The following NKAIN3 variants were observed in gnomAD, a reference collection of about 807,000 sequenced individuals.
NKAIN3 encodes the protein sodium/potassium-transporting ATPase subunit beta-1-interacting protein 3.
A neutral mutation model predicts 30.2 loss-of-function variants in NKAIN3; 25 were observed. That is an observed-to-expected ratio of 0.83 (90% confidence interval 0.60 to 1.16). The LOEUF is 1.16. Ranked by LOEUF, NKAIN3 falls within the 50% of genes most tolerant of loss-of-function variation. The pLI, the probability that NKAIN3 is intolerant of heterozygous loss-of-function variation, is 0.00. For missense variants in NKAIN3, 225 were observed against 254.1 expected (o/e 0.89, Z 0.78); for synonymous variants, 91 against 89.6 (o/e 1.02, Z -0.09).
Position 62,794,198 on chromosome 8 carries a change from C to T in NKAIN3, c.471+47069C>T, listed in dbSNP as rs1301189281. ...CACATAAAGCCTATTAATTTCTCTA[C>T]AGTAAGTAAGGTGGCTTGACTAGTA... On this transcript the variant is annotated intron_variant, in intron 4 of 6. Transcript: ENST00000623646. Among the ~76,000 whole-genome samples the T allele has an allele frequency of 5.3e-5, 8 of 152,170 alleles. No homozygotes were observed. In the East Asian group the frequency reaches 1.5e-3, roughly 29 times the overall value.
At chr8:62,732,288 T>C (rs1374981000) in intron 3 of NKAIN3, among the ~76,000 whole-genome samples, 4 of 152,098 alleles carry the variant, frequency 2.6e-5, no homozygotes, top group Admixed American at 2.0e-4. Context: ...TTAAACTTTA[T>C]TGATAATGTT....
At chr8:62,576,212 C>T (rs1402290310) in intron 1 of NKAIN3, among the ~76,000 whole-genome samples, 1 of 151,980 alleles carries the variant, frequency 6.6e-6, no homozygotes, top group African/African-American at 2.4e-5. Context: ...TGCAAACTAC[C>T]CATCTGACAA....
intron 4 of NKAIN3, among the ~76,000 whole-genome samples, chr8:62,810,643 T>TG (rs1554580464): frequency 6.6e-6 from 1 of 151,304 alleles, no homozygotes; most frequent in African/African-American, 2.4e-5. Context: ...AGAAAGTTTT[T>TG]TTTTTTTTTT....
intron 5 of NKAIN3, among the ~76,000 whole-genome samples, chr8:62,925,762 G>A (rs1822419084): frequency 6.6e-6 from 1 of 152,124 alleles, no homozygotes; most frequent in Admixed American, 6.5e-5. Flanking sequence ...CGTGTGATCA[G>A]GCACGTCACA....
chr8:62,325,085 A>C (rs1815069959), intron 1 of NKAIN3, among the ~76,000 whole-genome samples: 1 of 152,058 alleles, frequency 6.6e-6, no homozygotes, highest in Non-Finnish European at 1.5e-5. Context: ...CTGTCACCCA[A>C]ACCATGTACA....
chr8:62,289,959 T>C (rs1585638717), intron 1 of NKAIN3, among the ~76,000 whole-genome samples: 1 of 152,162 alleles, frequency 6.6e-6, no homozygotes, highest in East Asian at 1.9e-4. Flanking sequence ...GTCCTTCACA[T>C]CCCTTGTAAG....
chr8:62,917,133 C>G (rs1822131927), intron 4 of NKAIN3, among the ~76,000 whole-genome samples: 1 of 152,140 alleles, frequency 6.6e-6, no homozygotes, highest in South Asian at 2.1e-4. Context: ...GAGGCCTTAC[C>G]CCCAGGCTAA....
At chr8:62,546,509 G>T (rs929477751) in intron 1 of NKAIN3, among the ~76,000 whole-genome samples, 1 of 152,140 alleles carries the variant, frequency 6.6e-6, no homozygotes, top group African/African-American at 2.4e-5. Context: ...GCACAAGTAG[G>T]CACCCATTGT....
intron 3 of NKAIN3, among the ~76,000 whole-genome samples, chr8:62,694,311 C>T (rs544019755): frequency 6.6e-6 from 1 of 152,198 alleles, no homozygotes; most frequent in African/African-American, 2.4e-5. Flanking sequence ...TTCTGTCCAT[C>T]AATGGATGAA....
chr8:62,677,851 C>A (rs978714216), intron 3 of NKAIN3, among the ~76,000 whole-genome samples: 5 of 152,164 alleles, frequency 3.3e-5, no homozygotes, highest in African/African-American at 1.2e-4. Context: ...TGAAGATGTA[C>A]CCCTAACATT....
intron 1 of NKAIN3, among the ~76,000 whole-genome samples, chr8:62,513,380 A>G (rs1056676216): frequency 2.0e-5 from 3 of 152,020 alleles, no homozygotes; most frequent in Non-Finnish European, 2.9e-5. Context: ...GGAAATAGAT[A>G]TTAATCAAAC....
chr8:62,370,475 G>A (rs1039096284), intron 1 of NKAIN3, among the ~76,000 whole-genome samples: 2 of 151,864 alleles, frequency 1.3e-5, no homozygotes, highest in Non-Finnish European at 2.9e-5. Flanking sequence ...TGTGGAAATT[G>A]CATACATGTA....
chr8:62,763,259 A>AAAAAAAAAAAC lies in NKAIN3; in HGVS notation c.471+16132_471+16133insAAAAAAAACAA, dbSNP rs1563551311. 1.3e-4 allele frequency among the ~76,000 whole-genome samples: 18 copies of AAAAAAAAAAAC among 140,452 alleles called. 1 individual carries two copies. Among genetic ancestry groups the AAAAAAAAAAAC allele is most frequent in the African/African-American group, 5.0e-4 (18 of 36,174 alleles). 92.1% of individuals were successfully genotyped at this position (140,452 alleles called of 152,430 possible). A position where few individuals can be genotyped will look rare whatever the true frequency, so the allele number is the denominator to read the frequency against. On this transcript the variant is annotated intron_variant, in intron 4 of 6. Transcript: ENST00000623646. ...AAAAAAAAAAAAAAAAAAAAAAAAA[A>AAAAAAAAAAAC]AACTTATATAGTCAGCCTAAAAAGA...
At chr8:62,909,477 G>A (rs1195761469) in intron 4 of NKAIN3, among the ~76,000 whole-genome samples, 1 of 152,082 alleles carries the variant, frequency 6.6e-6, no homozygotes, top group Non-Finnish European at 1.5e-5. Context: ...AGACTGTTGT[G>A]CTGATGTTAT....
intron 1 of NKAIN3, among the ~76,000 whole-genome samples, chr8:62,531,628 A>G (rs998868666): frequency 1.3e-5 from 2 of 152,190 alleles, no homozygotes; most frequent in Non-Finnish European, 2.9e-5. Flanking sequence ...TTTCTTTTGC[A>G]TCCCCAGCCG....
At chr8:62,680,554 G>C (rs1322345608) in intron 3 of NKAIN3, among the ~76,000 whole-genome samples, 1 of 152,012 alleles carries the variant, frequency 6.6e-6, no homozygotes, top group Non-Finnish European at 1.5e-5. Flanking sequence ...CAAGATACTG[G>C]GAAATTTAGT....
At chr8:62,448,952 G>A (rs1312045364) in intron 1 of NKAIN3, among the ~76,000 whole-genome samples, 1 of 151,766 alleles carries the variant, frequency 6.6e-6, no homozygotes, top group East Asian at 1.9e-4. Context: ...GTCTATTGAA[G>A]GAAAAAATGT....
intron 1 of NKAIN3, among the ~76,000 whole-genome samples, chr8:62,326,781 G>C (rs1815152740): frequency 6.6e-6 from 1 of 151,818 alleles, no homozygotes; most frequent in African/African-American, 2.4e-5. Flanking sequence ...ATATCTGTTT[G>C]AGCCACTACT....
chr8:62,431,360 A>G (rs1481644720), intron 1 of NKAIN3, among the ~76,000 whole-genome samples: 2 of 152,010 alleles, frequency 1.3e-5, no homozygotes, highest in East Asian at 3.9e-4. Context: ...TTATATTTCT[A>G]CTTTTTTGGT....
Sources: gnomAD v4.1 joint callset for allele counts (sites outside exome capture counted in the v4.1 genomes callset) on GRCh38, gnomAD v4.1.1 for gene constraint, MANE v1.5 for transcripts, NCBI Gene and HGNC (gene_info 2026-07-23, HGNC 2026-07-21) for gene names.